Variants in AFG2A observed in about 807,000 individuals in gnomAD.
AFG2A encodes ATPase family gene 2 protein homolog A.
the AFG2A span, among the ~76,000 whole-genome samples, chr4:123,226,954 G>C: frequency 0.014 from 2,153 of 152,210 alleles, 50 homozygotes; most frequent in African/African-American, 0.048. Flanking sequence ...TGTATGTGTC[G>C]AGGAATGTAC....
At chr4:122,948,385 T>TACAC in the AFG2A span, among the ~76,000 whole-genome samples, 43 of 80,270 alleles carry the variant, frequency 5.4e-4, no homozygotes, top group East Asian at 2.3e-3. Flanking sequence ...TTCTCCAGAG[T>TACAC]ATACACACAC....
the AFG2A span, among the ~76,000 whole-genome samples, chr4:123,004,870 T>C: frequency 2.6e-5 from 4 of 152,224 alleles, no homozygotes; most frequent in East Asian, 7.7e-4. Flanking sequence ...GGAAGGCTTA[T>C]GTAAATTTTA....
At chr4:123,111,137 C>T in the AFG2A span, among the ~76,000 whole-genome samples, 1 of 152,082 alleles carries the variant, frequency 6.6e-6, no homozygotes. Flanking sequence ...AAGTTGAAGC[C>T]ATTGCTTCTA....
chr4:123,137,120 C>T, the AFG2A span, among the ~76,000 whole-genome samples: 1 of 152,158 alleles, frequency 6.6e-6, no homozygotes, highest in Non-Finnish European at 1.5e-5. Context: ...TCTAACGGTG[C>T]GGCTGATCAG....
the AFG2A span, among the ~76,000 whole-genome samples, chr4:123,213,276 A>G: frequency 3.1e-4 from 47 of 152,260 alleles, no homozygotes; most frequent in Middle Eastern, 3.4e-3. Flanking sequence ...TATATCCTGT[A>G]TAGAATAAAA....
the AFG2A span, among the ~76,000 whole-genome samples, chr4:123,228,933 T>G: frequency 2.0e-5 from 3 of 152,098 alleles, no homozygotes; most frequent in African/African-American, 4.8e-5. Flanking sequence ...TCAAGCACAT[T>G]AGATATTCCA....
At chr4:123,108,658 C>CT in the AFG2A span, among the ~76,000 whole-genome samples, 100 of 147,910 alleles carry the variant, frequency 6.8e-4, 1 homozygote, top group African/African-American at 1.9e-3. Context: ...GATTCCGGAA[C>CT]TTTTTTTTTT....
chr4:123,129,060 T>G, the AFG2A span, among the ~76,000 whole-genome samples: 2 of 152,214 alleles, frequency 1.3e-5, no homozygotes, highest in African/African-American at 4.8e-5. Context: ...ATGTGGGACA[T>G]TATCCTTCAT....
the AFG2A span, among the ~76,000 whole-genome samples, chr4:123,133,345 T>G: frequency 1.3e-5 from 2 of 152,196 alleles, no homozygotes; most frequent in African/African-American, 2.4e-5. Context: ...GTGGAAACTG[T>G]GTCAGGCAAG....
At chr4:123,121,234 TAA>T in the AFG2A span, among the ~76,000 whole-genome samples, 1 of 143,458 alleles carries the variant, frequency 7.0e-6, no homozygotes, top group Non-Finnish European at 1.5e-5. Context: ...AGTGTTATTA[TAA>T]GAGTCAAAAA....
the AFG2A span, among the ~76,000 whole-genome samples, chr4:122,930,108 C>A: frequency 1.1e-4 from 17 of 152,108 alleles, no homozygotes; most frequent in Non-Finnish European, 2.2e-4. Flanking sequence ...AAGCAAAGAA[C>A]CTGATTGTAT....
the AFG2A span, among the ~76,000 whole-genome samples, chr4:123,299,570 AT>A: frequency 1.3e-5 from 2 of 152,194 alleles, no homozygotes; most frequent in Non-Finnish European, 2.9e-5. Flanking sequence ...TTGTATCATA[AT>A]CCCCTTGTGT....
At chr4:123,309,100 A>T in the AFG2A span, among the ~76,000 whole-genome samples, 2 of 152,232 alleles carry the variant, frequency 1.3e-5, no homozygotes, top group African/African-American at 4.8e-5. Context: ...GTTGTTTGGT[A>T]TCTCCCAAAG....
chr4:122,939,071 C>CTCTCTTTTTTTTTTTTT, the AFG2A span, among the ~76,000 whole-genome samples: 4 of 76,210 alleles, frequency 5.2e-5, 2 homozygotes, highest in Non-Finnish European at 4.9e-5. Context: ...GGGATATGTT[C>CTCTCTTTTTTTTTTTTT]TTTCTTTTTT....
chr4:122,948,387 TACACACACACACACAC>T, the AFG2A span, among the ~76,000 whole-genome samples: 84 of 129,616 alleles, frequency 6.5e-4, no homozygotes, highest in South Asian at 1.7e-3. Context: ...CTCCAGAGTA[TACACACACACACACAC>T]ACACACACAC....
chr4:123,159,985 T>C, the AFG2A span, among the ~76,000 whole-genome samples: 2 of 152,108 alleles, frequency 1.3e-5, no homozygotes, highest in Non-Finnish European at 2.9e-5. Flanking sequence ...AACATGGGTG[T>C]GAATAATTAT....
the AFG2A span, among the ~76,000 whole-genome samples, chr4:123,302,098 G>T: frequency 6.6e-6 from 1 of 152,272 alleles, no homozygotes; most frequent in East Asian, 1.9e-4. Flanking sequence ...ATTAAAACCA[G>T]TTTAACACAC....
chr4:123,229,613 A>G, the AFG2A span, among the ~76,000 whole-genome samples: 1 of 152,030 alleles, frequency 6.6e-6, no homozygotes, highest in East Asian at 1.9e-4. Context: ...CATGGAATAT[A>G]CAAAATTTGG....
At chr4:123,126,273 T>A in the AFG2A span, among the ~76,000 whole-genome samples, 1 of 152,222 alleles carries the variant, frequency 6.6e-6, no homozygotes, top group Non-Finnish European at 1.5e-5. Context: ...TTTCCTTGAC[T>A]GCCTGTCTTA....
Sources: gnomAD v4.1 joint callset for allele counts (sites outside exome capture counted in the v4.1 genomes callset) on GRCh38, gnomAD v4.1.1 for gene constraint, MANE v1.5 for transcripts, NCBI Gene and HGNC (gene_info 2026-07-23, HGNC 2026-07-21) for gene names.